The following SEMA6D variants were observed in gnomAD, a reference collection of about 807,000 sequenced individuals.
SEMA6D encodes semaphorin-6D.
A neutral mutation model predicts 106.6 loss-of-function variants in SEMA6D; 35 were observed. The observed-to-expected ratio is 0.33, with a 90% CI of 0.25 to 0.44. SEMA6D has a LOEUF of 0.44. Among genes scored for constraint, SEMA6D ranks in the 20% least tolerant of loss-of-function variants. The probability of loss-of-function intolerance (pLI) is 1.00; values close to 1 mark genes in which losing one functional copy is unlikely to be tolerated. For synonymous variants in SEMA6D, 499 were observed against 487.7 expected, an observed-to-expected ratio of 1.02 and a Z score of -0.31; for missense variants, 1,185 against 1,345.9, an observed-to-expected ratio of 0.88 and a Z score of 1.87.
intron 3 of SEMA6D, among the ~76,000 whole-genome samples, chr15:47,589,050 A>T (rs2076391916): frequency 6.6e-6 from 1 of 152,186 alleles, no homozygotes; most frequent in South Asian, 2.1e-4. Context: ...AATAGTACTG[A>T]GGTTGAGAAA....
intron 18 of SEMA6D, 28 bp from the exon 19 acceptor site, chr15:47,770,469 T>C: frequency 2.0e-6 from 3 of 1,525,700 alleles, no homozygotes; most frequent in Non-Finnish European, 2.7e-6. Flanking sequence ...AAGCACCTTA[T>C]TCACATTGTC....
chr15:47,609,345 G>A (rs533708772), intron 4 of SEMA6D, among the ~76,000 whole-genome samples: 1 of 152,300 alleles, frequency 6.6e-6, no homozygotes, highest in East Asian at 1.9e-4. Context: ...TATATTTGGG[G>A]CAGAATTCAC....
intron 3 of SEMA6D, among the ~76,000 whole-genome samples, chr15:47,500,895 T>C (rs1441305266): frequency 6.6e-6 from 1 of 152,168 alleles, no homozygotes; most frequent in African/African-American, 2.4e-5. Context: ...GTTGTTAAAC[T>C]TTCCTTTTGA....
chr15:47,666,684 C>G (rs898260777), intron 4 of SEMA6D, among the ~76,000 whole-genome samples: 7 of 152,324 alleles, frequency 4.6e-5, no homozygotes, highest in Admixed American at 1.3e-4. Flanking sequence ...AAATTGCTCT[C>G]ACTGTGATCC....
chr15:47,329,670 T>G (rs1481180214), intron 1 of SEMA6D, among the ~76,000 whole-genome samples: 1 of 152,222 alleles, frequency 6.6e-6, no homozygotes, highest in Non-Finnish European at 1.5e-5. Context: ...GTGTTTCTTT[T>G]AGGAATGGTC....
At chr15:47,497,033 G>C (rs961292407) in intron 3 of SEMA6D, among the ~76,000 whole-genome samples, 4 of 152,048 alleles carry the variant, frequency 2.6e-5, no homozygotes, top group Non-Finnish European at 5.9e-5. Flanking sequence ...ATACCAGTCT[G>C]AGACCTTTCT....
chr15:47,486,302 C>T (rs1414080971), intron 3 of SEMA6D, among the ~76,000 whole-genome samples: 1 of 152,170 alleles, frequency 6.6e-6, no homozygotes, highest in Non-Finnish European at 1.5e-5. Flanking sequence ...ATGTGCACCA[C>T]AAGCGGAACA....
At chr15:47,558,465 A>C (rs998126970) in intron 3 of SEMA6D, among the ~76,000 whole-genome samples, 2 of 152,006 alleles carry the variant, frequency 1.3e-5, no homozygotes, top group African/African-American at 4.8e-5. Flanking sequence ...AAGTTCAGGA[A>C]GGAGAGAATC....
At chr15:47,333,066 G>A (rs183765602) in intron 1 of SEMA6D, among the ~76,000 whole-genome samples, 72 of 152,276 alleles carry the variant, frequency 4.7e-4, no homozygotes, top group African/African-American at 1.6e-3. Flanking sequence ...CATGGAAGCT[G>A]TCACTTTCAT....
intron 1 of SEMA6D, among the ~76,000 whole-genome samples, chr15:47,220,234 C>G (rs1226144264): frequency 6.6e-6 from 1 of 152,136 alleles, no homozygotes; most frequent in Admixed American, 6.6e-5. Flanking sequence ...AGAATTGGAG[C>G]CCTTTCTGCA....
intron 1 of SEMA6D, among the ~76,000 whole-genome samples, chr15:47,308,619 C>G (rs1202405130): frequency 6.6e-6 from 1 of 152,070 alleles, no homozygotes; most frequent in Non-Finnish European, 1.5e-5. Flanking sequence ...AAAAATGGCC[C>G]AATGCTCTTA....
chr15:47,413,108 C>T (rs1255495857), intron 2 of SEMA6D, among the ~76,000 whole-genome samples: 2 of 152,070 alleles, frequency 1.3e-5, no homozygotes, highest in African/African-American at 4.8e-5. Flanking sequence ...GGGAAGTCTC[C>T]CACTCCTCTG....
intron 1 of SEMA6D, among the ~76,000 whole-genome samples, chr15:47,372,427 AG>A (rs1232379667): frequency 1.3e-5 from 2 of 152,212 alleles, no homozygotes; most frequent in African/African-American, 4.8e-5. Flanking sequence ...TTACTTGCAA[AG>A]GTAGAACTGG....
At chr15:47,720,256 CCTTT>C (rs2079340582) in intron 1 of SEMA6D, among the ~76,000 whole-genome samples, 1 of 145,038 alleles carries the variant, frequency 6.9e-6, no homozygotes, top group South Asian at 2.2e-4. Context: ...ATATCAATAA[CCTTT>C]CTTTTTTTTT....
intron 3 of SEMA6D, among the ~76,000 whole-genome samples, chr15:47,564,275 A>C (rs1002101758): frequency 7.2e-5 from 11 of 152,218 alleles, no homozygotes; most frequent in African/African-American, 2.7e-4. Flanking sequence ...GGAGGCAGTA[A>C]TGAGGAAAGT....
intron 4 of SEMA6D, among the ~76,000 whole-genome samples, chr15:47,652,735 G>A (rs1317382078): frequency 6.6e-6 from 1 of 152,308 alleles, no homozygotes; most frequent in East Asian, 1.9e-4. Context: ...CCAAAGGAAG[G>A]TTCAAGGACT....
At chr15:47,200,217 G>A (rs553704533) in intron 1 of SEMA6D, among the ~76,000 whole-genome samples, 4 of 152,240 alleles carry the variant, frequency 2.6e-5, no homozygotes, top group East Asian at 1.9e-4. Flanking sequence ...CTCCAGTTTT[G>A]ATTTAGCTCC....
At chr15:47,695,143 C>T (rs59919958) in intron 4 of SEMA6D, among the ~76,000 whole-genome samples, 280 of 152,284 alleles carry the variant, frequency 1.8e-3, no homozygotes, top group African/African-American at 6.6e-3. Flanking sequence ...AATGAAGTTC[C>T]TCATCTGTGC....
chr15:47,740,482 T>G (rs370705570), intron 1 of SEMA6D, among the ~76,000 whole-genome samples: 2 of 152,086 alleles, frequency 1.3e-5, no homozygotes, highest in African/African-American at 4.8e-5. Flanking sequence ...ATTGCGCCAC[T>G]GCACTCCAGC....
Sources: allele counts gnomAD v4.1 joint callset (sites outside exome capture counted in the v4.1 genomes callset), GRCh38; gene constraint gnomAD v4.1.1; transcripts MANE v1.5; gene names NCBI Gene and HGNC (gene_info 2026-07-23, HGNC 2026-07-21).